Variants in DNAI7 observed in about 807,000 individuals in gnomAD.
The protein encoded by DNAI7 is dynein axonemal intermediate chain 7.
In DNAI7, 78 loss-of-function variants were observed where a neutral mutation model predicts 86.6. The observed-to-expected ratio is 0.90, with a 90% confidence interval of 0.75 to 1.09. The LOEUF (loss-of-function observed/expected upper bound fraction) is 1.09, where lower values mean the gene tolerates loss of function less well. Ranked by LOEUF, DNAI7 falls within the 50% of genes least tolerant of loss-of-function variation. The pLI is 0.00. For missense variants in DNAI7, 753 were observed against 810.2 expected, an observed-to-expected ratio of 0.93 and a Z score of 0.86; for synonymous variants, 274 against 273.0, an observed-to-expected ratio of 1.00 and a Z score of -0.04.
At chr12:25,181,305 G>A (rs896809830) in intron 2 of DNAI7, among the ~76,000 whole-genome samples, 6 of 143,696 alleles carry the variant, frequency 4.2e-5, no homozygotes, top group Admixed American at 1.3e-4. Flanking sequence ...TTGCAGAGGT[G>A]GGGGGGTCTC....
intron 1 of DNAI7, among the ~76,000 whole-genome samples, chr12:25,193,979 G>T (rs1950788361): frequency 6.6e-6 from 1 of 151,954 alleles, no homozygotes. Flanking sequence ...GCGCCAACAC[G>T]CCCGGCTAAT....
chr12:25,191,219 C>T (rs1264347298), intron 1 of DNAI7, among the ~76,000 whole-genome samples: 1 of 152,056 alleles, frequency 6.6e-6, no homozygotes, highest in Non-Finnish European at 1.5e-5. Context: ...TCAAGATCAG[C>T]CCGGGCAACA....
chr12:25,147,713 T>C (rs936739276), intron 7 of DNAI7, among the ~76,000 whole-genome samples: 2 of 152,226 alleles, frequency 1.3e-5, no homozygotes, highest in Non-Finnish European at 1.5e-5. Flanking sequence ...TGGATTAATA[T>C]GTTACCTTTC....
At chr12:25,134,026 G>A (rs766448455) in intron 9 of DNAI7, among the ~76,000 whole-genome samples, 200 of 152,184 alleles carry the variant, frequency 1.3e-3, no homozygotes, top group Middle Eastern at 3.4e-3. Context: ...ACAGGGTCCC[G>A]CTCTCTTGCC....
intron 2 of DNAI7, among the ~76,000 whole-genome samples, chr12:25,179,846 G>A (rs1949334781): frequency 2.0e-5 from 3 of 151,948 alleles, no homozygotes; most frequent in Admixed American, 2.0e-4. Flanking sequence ...ATACTGAATA[G>A]GCAAAAGCTG....
chr12:25,181,481 A>T (rs545322633), intron 2 of DNAI7, among the ~76,000 whole-genome samples: 27 of 152,292 alleles, frequency 1.8e-4, no homozygotes, highest in African/African-American at 5.5e-4. Flanking sequence ...GCATTGGCCT[A>T]GGCAAATAAT....
intron 2 of DNAI7, among the ~76,000 whole-genome samples, chr12:25,173,907 T>C (rs1003704715): frequency 2.7e-5 from 4 of 148,882 alleles, no homozygotes; most frequent in African/African-American, 9.8e-5. Flanking sequence ...TACCACATCA[T>C]ATATATGGAA....
chr12:25,173,959 C>CATATATATGGAATACAT (rs1555181001), intron 2 of DNAI7, among the ~76,000 whole-genome samples: 1 of 147,928 alleles, frequency 6.8e-6, no homozygotes, highest in African/African-American at 2.5e-5. Context: ...ATACATATAT[C>CATATATATGGAATACAT]ATATATATGG....
chr12:25,113,873 G>T (rs1333966901), intron 13 of DNAI7, among the ~76,000 whole-genome samples: 1 of 150,010 alleles, frequency 6.7e-6, no homozygotes, highest in Admixed American at 6.6e-5. Flanking sequence ...TCAGCCCCAG[G>T]CAACCACTAA....
At chr12:25,169,856 AAAAAAAAAG>A (rs993252324) in intron 2 of DNAI7, among the ~76,000 whole-genome samples, 4 of 140,114 alleles carry the variant, frequency 2.9e-5, no homozygotes, top group Admixed American at 1.4e-4. Flanking sequence ...TCAAAAAAAA[AAAAAAAAAG>A]AAAAAAAAGA....
At chr12:25,153,687 T>C (rs181759984) in intron 6 of DNAI7, among the ~76,000 whole-genome samples, 3 of 152,346 alleles carry the variant, frequency 2.0e-5, no homozygotes, top group African/African-American at 7.2e-5. Context: ...AGCCACTAAC[T>C]AGTTAGCTAT....
At chr12:25,181,313 C>G (rs1332320146) in intron 2 of DNAI7, among the ~76,000 whole-genome samples, 1 of 151,818 alleles carries the variant, frequency 6.6e-6, no homozygotes, top group Non-Finnish European at 1.5e-5. Context: ...GTGGGGGGGT[C>G]TCACTATGTT....
At chr12:25,160,999 C>T (rs1218917971) in intron 3 of DNAI7, 114 bp downstream of exon 3, 4 of 734,060 alleles carry the variant, frequency 5.4e-6, no homozygotes, top group Non-Finnish European at 9.3e-6. Flanking sequence ...TATTATAAAA[C>T]AGATTAAATT....
intron 1 of DNAI7, 75 bp from the exon 2 acceptor site, chr12:25,190,706 ATGTTAAAAT>A (rs1444853209): frequency 7.2e-6 from 6 of 828,126 alleles, no homozygotes; most frequent in Non-Finnish European, 1.1e-5. Context: ...ATTATGTAAG[ATGTTAAAAT>A]TAGAAGAAGC....
In DNAI7 at chr12:25,174,679, C is replaced by G. The variant is rs867725836; in HGVS notation, c.22-13482G>C. On this transcript the variant is annotated intron_variant, in intron 2 of 15. Transcript: ENST00000395987. ...TATCATATATATGGAATATATATAT[C>G]ATATATATATGGAATATAGATATCA... 1.1e-3 allele frequency among the ~76,000 whole-genome samples: 57 copies of G among 53,304 alleles called. 4 individuals carry two copies. Among genetic ancestry groups the G allele is most frequent in the South Asian group, 8.5e-3 (16 of 1,888 alleles). 35.0% of individuals were successfully genotyped at this position (53,304 alleles called of 152,430 possible).
chr12:25,111,894 GTTTC>G lies in DNAI7; in HGVS notation c.1653_1656del (p.Lys551AsnfsTer11). 1 of 1,602,926 alleles carries G rather than the reference GTTTC, an allele frequency of 6.2e-7. No homozygotes were observed. ...CAGGTTCCTTCCAAAATAGAGATGT[GTTTC>G]TTGTCTTTTAGTTTGATTGAAGATA... On this transcript the variant is annotated frameshift_variant, in exon 14 of 16. Transcript: ENST00000395987. LOFTEE classifies it high-confidence loss of function.
At chr12:25,168,069 C>T (rs1026783559) in intron 2 of DNAI7, among the ~76,000 whole-genome samples, 1 of 152,216 alleles carries the variant, frequency 6.6e-6, no homozygotes, top group Admixed American at 6.5e-5. Context: ...ACCTCCCCCT[C>T]TACACAGTTA....
intron 11 of DNAI7, among the ~76,000 whole-genome samples, chr12:25,120,317 G>GAGAGA (rs1941020491): frequency 5.9e-4 from 48 of 80,818 alleles, no homozygotes; most frequent in African/African-American, 1.5e-3. Context: ...GCAGGAAGAG[G>GAGAGA]GAGAGAGAGA....
At chr12:25,120,664 G>A (rs1377936742) in intron 11 of DNAI7, among the ~76,000 whole-genome samples, 1 of 152,172 alleles carries the variant, frequency 6.6e-6, no homozygotes, top group Non-Finnish European at 1.5e-5. Context: ...GGCGGAGCTT[G>A]CAGTGAGCCA....
Sources: allele counts gnomAD v4.1 joint callset (sites outside exome capture counted in the v4.1 genomes callset), GRCh38; gene constraint gnomAD v4.1.1; transcripts MANE v1.5; gene names NCBI Gene and HGNC (gene_info 2026-07-23, HGNC 2026-07-21).